The following SRA1 variants were observed in gnomAD, a reference collection of about 807,000 sequenced individuals.
SRA1 encodes lncRNA SRA.
Under a neutral mutation model 24.3 loss-of-function variants are expected in SRA1, and 25 were observed. The observed-to-expected ratio is 1.03, with a 90% CI of 0.75 to 1.43. The LOEUF (loss-of-function observed/expected upper bound fraction) is 1.43, where lower values mean the gene tolerates loss of function less well. Ranked by LOEUF, SRA1 falls within the 40% of genes most tolerant of loss-of-function variation. The probability of loss-of-function intolerance (pLI) is 0.00; values close to 1 mark genes in which losing one functional copy is unlikely to be tolerated. For missense variants in SRA1, 303 were observed against 286.6 expected (o/e 1.06, Z -0.41); for synonymous variants, 104 against 109.5 (o/e 0.95, Z 0.31).
At chr5:140,551,958 A>G in intron 3 of SRA1, 24 bp downstream of exon 3, 1 of 1,609,246 alleles carries the variant, frequency 6.2e-7, no homozygotes, top group East Asian at 2.2e-5. Flanking sequence ...AGCCCTCTCT[A>G]ACCTCTGATG....
intron 2 of SRA1, among the ~76,000 whole-genome samples, chr5:140,554,643 T>C (rs552335301): frequency 2.8e-4 from 42 of 152,344 alleles, no homozygotes; most frequent in Non-Finnish European, 4.4e-4. Flanking sequence ...ATCATCCCGT[T>C]AGTGTACAAA....
intron 2 of SRA1, among the ~76,000 whole-genome samples, chr5:140,553,101 A>T (rs1754608025): frequency 6.6e-6 from 1 of 152,236 alleles, no homozygotes. Context: ...AGTTACTTTC[A>T]ACTAGAGCTT....
Position 140,551,131 on chromosome 5 carries a change from C to G in SRA1, c.393G>C (p.Leu131=), listed in dbSNP as rs1489357602. The G allele has an allele frequency of 6.2e-7, 1 of 1,614,204 alleles. No homozygotes were observed. Among genetic ancestry groups the G allele is most frequent in the East Asian group, 2.2e-5 (1 of 44,888 alleles). The change falls in exon 4 of 5, where the codon CTG becomes CTC. Residue 131 remains leucine (L), a synonymous_variant. Transcript: ENST00000336283. ...TTCCTCCAGCCCACTGTTCCTGCAG[C>G]AGTGCCAGGCGTCGGCTGATGTCAT... is the stretch of plus-strand genomic sequence containing the variant. The part of the protein sequence containing the change: ...VCDDISRRLA[L]LQEQWAGGKL...
chr5:140,557,134 G>C lies in SRA1; in HGVS notation c.151+13C>G. 6.3e-7 allele frequency: 1 copy of C among 1,576,782 alleles called. No individual in the cohort carries two copies. The highest frequency in any genetic ancestry group is 1.1e-5 in the South Asian group (1 of 87,814). On this transcript the variant is annotated intron_variant, in intron 2 of 4. Coordinates refer to ENST00000336283, the MANE Select transcript of SRA1 (RefSeq NM_001035235.4). ...ATTCTCCGTCTGTCTCCGAGCACAG[G>C]GGCCCCACGCACCTCTGGGGGATCC...
At position 140,557,194 on chromosome 5, in the gene SRA1, G is replaced by C; in HGVS notation, c.104C>G (p.Ser35Trp). 6.2e-7 allele frequency: 1 copy of C among 1,613,066 alleles called. No homozygotes were observed. Among genetic ancestry groups the C allele is most frequent in the Admixed American group, 1.7e-5 (1 of 59,938 alleles). The change falls in exon 2 of 5, where the codon TCG (serine) becomes TGG (tryptophan). Residue 35 changes from serine to tryptophan, a missense_variant. Ser to Trp is a radical substitution (Grantham distance 177, BLOSUM62 -3). Coordinates refer to ENST00000336283, the MANE Select transcript of SRA1 (RefSeq NM_001035235.4). The stretch of plus-strand genomic sequence containing the variant: ...TGCGGCGACCCTCTTGGTAAGCAGC[G>C]AGCGCCTGGGTCCGCCGGCCTGGGT... ...LQTQAGGPRR[S>W]LLTKRVAAPQ...
intron 2 of SRA1, 38 bp downstream of exon 2, chr5:140,557,106 CCCA>C (rs368350184): frequency 1.2e-4 from 147 of 1,222,598 alleles, no homozygotes; most frequent in Non-Finnish European, 1.5e-4. Flanking sequence ...CCCCCCCCCC[CCCA>C]TTCTCCGTCT....
rs78432218 is a variant in SRA1 at position 140,552,192 on chromosome 5, G to A, written c.152-8C>T. The A allele has an allele frequency of 2.1e-6, 1 of 475,088 alleles. No individual in the cohort carries two copies. Among genetic ancestry groups the A allele is most frequent in the South Asian group, 4.7e-5 (1 of 21,392 alleles). 29.4% of individuals were successfully genotyped at this position (475,088 alleles called of 1,614,324 possible). On this transcript the variant is annotated splice_region_variant and splice_polypyrimidine_tract_variant and intron_variant, in intron 2 of 4. Transcript: ENST00000336283. ...AAGTCTCTGATGCGGGGACTGAAAA[G>A]GTACAGCAGGATCAAGCAACATGGC...
At chr5:140,551,357 T>C (rs1446452846) in intron 3 of SRA1, 188 bp from the exon 4 acceptor site, 5 of 560,758 alleles carry the variant, frequency 8.9e-6, no homozygotes, top group East Asian at 2.8e-5. Flanking sequence ...TGTCTTCTTC[T>C]GACACTGCCT....
At position 140,557,197 on chromosome 5, in the gene SRA1, CGCCTGGGTCCGCCG is replaced by C. The variant is rs745875652; in HGVS notation, c.87_100del (p.Gly30LeufsTer37). On this transcript the variant is annotated frameshift_variant, in exon 2 of 5. Coordinates refer to ENST00000336283, the MANE Select transcript of SRA1 (RefSeq NM_001035235.4). LOFTEE classifies it high-confidence loss of function. Reference sequence around the variant, plus strand: ...GGCGACCCTCTTGGTAAGCAGCGAGCGCCTGGGTCCGCCGGCCTGGGTCTGCAGCCCGTATGAGA... The same window carrying C: ...GGCGACCCTCTTGGTAAGCAGCGAGCGCCTGGGTCTGCAGCCCGTATGAGA... 3.1e-6 allele frequency: 5 copies of C among 1,613,012 alleles called. No homozygotes were observed. The highest frequency in any genetic ancestry group is 1.7e-5 in the Admixed American group (1 of 59,936).
upstream of SRA1, chr5:140,557,568 G>T: frequency 8.0e-7 from 1 of 1,251,860 alleles, no homozygotes; most frequent in Non-Finnish European, 1.1e-6. Context: ...GAGGATGGAT[G>T]CTGGTTCACA....
At chr5:140,556,651 G>C (rs1754707022) in intron 2 of SRA1, among the ~76,000 whole-genome samples, 1 of 149,616 alleles carries the variant, frequency 6.7e-6, no homozygotes, top group Non-Finnish European at 1.5e-5. Flanking sequence ...CTGCAACGTG[G>C]ACTTCCTGAA....
intron 3 of SRA1, 173 bp downstream of exon 3, chr5:140,551,809 C>T: frequency 1.7e-6 from 1 of 572,538 alleles, no homozygotes; most frequent in East Asian, 3.0e-5. Flanking sequence ...ATTAATGCTC[C>T]TGAAATCCTG....
chr5:140,552,417 CT>C, intron 2 of SRA1, among the ~76,000 whole-genome samples: 1 of 152,274 alleles, frequency 6.6e-6, no homozygotes, highest in African/African-American at 2.4e-5. Context: ...CTTTGGGAGG[CT>C]GAGGCAGACA....
At chr5:140,554,191 C>G (rs1444136318) in intron 2 of SRA1, among the ~76,000 whole-genome samples, 2 of 152,166 alleles carry the variant, frequency 1.3e-5, no homozygotes, top group Non-Finnish European at 2.9e-5. Context: ...TTTTTACCTC[C>G]TTTATCTCCT....
At position 140,550,507 on chromosome 5, in the gene SRA1, A is replaced by G; in HGVS notation, c.*193T>C. 1 of 618,642 alleles carries G rather than the reference A, an allele frequency of 1.6e-6. No homozygotes were observed. The highest frequency in any genetic ancestry group is 2.9e-6 in the Non-Finnish European group (1 of 347,674). 38.3% of individuals were successfully genotyped at this position (618,642 alleles called of 1,614,324 possible). On this transcript the variant is annotated 3_prime_UTR_variant, in exon 5 of 5. Coordinates refer to ENST00000336283, the MANE Select transcript of SRA1 (RefSeq NM_001035235.4). ...GGTTCATCTCTCCTACCCAAGGCCCACCGCAGAGATGTTTTTATTGAAATG... is the reference window on the plus strand; with the variant it reads ...GGTTCATCTCTCCTACCCAAGGCCCGCCGCAGAGATGTTTTTATTGAAATG...
chr5:140,557,618 T>G, upstream of SRA1: 1 of 749,888 alleles, frequency 1.3e-6, no homozygotes, highest in East Asian at 2.7e-5. Flanking sequence ...GGCAACTCCC[T>G]AAGACTCGAA....
chr5:140,550,809 A>G lies in SRA1; in HGVS notation c.566T>C (p.Leu189Ser), dbSNP rs751500952. ...VSQWMVGVKRLIAEKRSLFSE... is the reference protein window; with the variant it reads ...VSQWMVGVKRSIAEKRSLFSE... ...AAACAGACTCCTCTTTTCTGCAATT[A>G]ATCTTTTAACTCCTACCATCCACTG... is the stretch of plus-strand genomic sequence containing the variant. The change falls in exon 5 of 5, where the codon TTA becomes TCA. Residue 189 changes from leucine (L) to serine (S), a missense_variant. Coordinates refer to ENST00000336283, the MANE Select transcript of SRA1 (RefSeq NM_001035235.4). 1 of 1,614,078 alleles carries G rather than the reference A, an allele frequency of 6.2e-7. No individual in the cohort carries two copies. Among genetic ancestry groups the G allele is most frequent in the Non-Finnish European group, 8.5e-7 (1 of 1,180,000 alleles).
intron 2 of SRA1, among the ~76,000 whole-genome samples, chr5:140,552,653 CAAA>C (rs1230692302): frequency 5.6e-5 from 6 of 107,656 alleles, no homozygotes; most frequent in Admixed American, 1.0e-4. Context: ...AACTCTGTCT[CAAA>C]AAAAAAAAAA....
intron 2 of SRA1, among the ~76,000 whole-genome samples, chr5:140,552,531 T>G (rs1754594957): frequency 6.6e-6 from 1 of 151,926 alleles, no homozygotes; most frequent in South Asian, 2.1e-4. Context: ...CACATGCCTG[T>G]AATCCCAGCT....
Sources: allele counts gnomAD v4.1 joint callset (sites outside exome capture counted in the v4.1 genomes callset), GRCh38; gene constraint gnomAD v4.1.1; transcripts MANE v1.5; gene names NCBI Gene and HGNC (gene_info 2026-07-23, HGNC 2026-07-21).